The following TDRP variants were observed in gnomAD, a reference collection of about 807,000 sequenced individuals.
The protein encoded by TDRP is testis development-related protein.
Under a neutral mutation model 10.5 loss-of-function variants are expected in TDRP, and 12 were observed. The ratio of observed to expected loss-of-function variants is 1.15; its 90% CI spans 0.73 to 1.86. TDRP has a LOEUF of 1.86. Ranked by LOEUF, TDRP falls within the 40% of genes most tolerant of loss-of-function variation. The pLI is 0.00. For missense variants in TDRP, 353 were observed against 229.2 expected, an observed-to-expected ratio of 1.54 and a Z score of -3.49; for synonymous variants, 139 against 95.4, an observed-to-expected ratio of 1.46 and a Z score of -2.67.
intron 1 of TDRP, among the ~76,000 whole-genome samples, chr8:510,290 C>T (rs1355152402): frequency 1.3e-5 from 2 of 152,142 alleles, no homozygotes; most frequent in African/African-American, 4.8e-5. Context: ...GTTTGTCTTT[C>T]TGGTAACCAC....
chr8:504,707 C>T (rs934343793), intron 1 of TDRP, among the ~76,000 whole-genome samples: 1 of 152,342 alleles, frequency 6.6e-6, no homozygotes, highest in African/African-American at 2.4e-5. Context: ...GGTCAACAGA[C>T]TTTGCCATTT....
chr8:511,981 T>C (rs759603028), intron 1 of TDRP, among the ~76,000 whole-genome samples: 43 of 151,986 alleles, frequency 2.8e-4, no homozygotes, highest in Non-Finnish European at 1.0e-4. Flanking sequence ...AATCAATAAC[T>C]TAAACTTCTA....
intron 1 of TDRP, among the ~76,000 whole-genome samples, chr8:539,681 G>A (rs1350345680): frequency 2.6e-5 from 4 of 152,140 alleles, no homozygotes; most frequent in African/African-American, 9.7e-5. Flanking sequence ...GGAGAGAAAG[G>A]CCTCTGCCTC....
At chr8:542,532 T>G (rs1802524297) in intron 1 of TDRP, among the ~76,000 whole-genome samples, 1 of 151,968 alleles carries the variant, frequency 6.6e-6, no homozygotes, top group Middle Eastern at 3.4e-3. Context: ...TAGAGTCTAT[T>G]AAAGTTTTTT....
chr8:531,799 C>G (rs1181125744), intron 1 of TDRP, among the ~76,000 whole-genome samples: 6 of 152,174 alleles, frequency 3.9e-5, no homozygotes, highest in Admixed American at 3.3e-4. Context: ...AGCCAAATAT[C>G]TGGCAAAGAA....
At chr8:543,930 G>T (rs1308414493) in intron 1 of TDRP, among the ~76,000 whole-genome samples, 15 of 141,336 alleles carry the variant, frequency 1.1e-4, no homozygotes, top group African/African-American at 3.6e-4. Flanking sequence ...AAAAGGGAGG[G>T]GGGGGGAGGG....
rs148744455 is a variant in TDRP, at chr8:519,486, T to C, written c.109-24889A>G. Among the ~76,000 whole-genome samples, 8 of 152,238 alleles carry C rather than the reference T, an allele frequency of 5.3e-5. No individual in the cohort carries two copies. The East Asian group carries it at 7.7e-4, about 15-fold the overall frequency. ...AACTACCTTCAAGTATAGAGTTCAA[T>C]TGCGTTAACTACATGCAAACTGTTG... On this transcript the variant is annotated intron_variant, in intron 1 of 2. Transcript: ENST00000324079.
At chr8:543,583 C>G (rs1020937206) in intron 1 of TDRP, among the ~76,000 whole-genome samples, 5 of 150,626 alleles carry the variant, frequency 3.3e-5, no homozygotes, top group Non-Finnish European at 1.5e-5. Context: ...TAAGCACTAA[C>G]GCTACCTAAA....
At chr8:531,534 T>C (rs982138671) in intron 1 of TDRP, among the ~76,000 whole-genome samples, 1 of 152,168 alleles carries the variant, frequency 6.6e-6, no homozygotes, top group African/African-American at 2.4e-5. Flanking sequence ...TACTGAAGAA[T>C]TGGTTGGTGT....
chr8:508,374 T>C (rs1801522273), intron 1 of TDRP, among the ~76,000 whole-genome samples: 1 of 152,176 alleles, frequency 6.6e-6, no homozygotes. Flanking sequence ...GGGTAATTTA[T>C]AAAGAAAAGC....
chr8:537,815 G>C (rs2053787), intron 1 of TDRP, among the ~76,000 whole-genome samples: 1,681 of 152,252 alleles, frequency 0.011, 24 homozygotes, highest in African/African-American at 0.038. Context: ...GTAAAGATAG[G>C]ATAAATTTAG....
intron 1 of TDRP, among the ~76,000 whole-genome samples, chr8:533,981 CA>C (rs1373903352): frequency 1.3e-5 from 2 of 152,102 alleles, no homozygotes; most frequent in Non-Finnish European, 2.9e-5. Flanking sequence ...AAAATTGAGC[CA>C]AAACACAATT....
At chr8:540,201 C>T (rs1157470408) in intron 1 of TDRP, among the ~76,000 whole-genome samples, 1 of 152,106 alleles carries the variant, frequency 6.6e-6, no homozygotes, top group African/African-American at 2.4e-5. Flanking sequence ...TTATATTCAC[C>T]GTAAGAGGCC....
intron 1 of TDRP, among the ~76,000 whole-genome samples, chr8:518,622 T>C (rs1801817078): frequency 1.1e-5 from 1 of 88,376 alleles, no homozygotes; most frequent in Non-Finnish European, 2.9e-5. Flanking sequence ...CACAGCAAAG[T>C]AACTTCGACC....
In TDRP at chr8:515,932, G is replaced by C. The variant is rs145093420; in HGVS notation, c.109-21335C>G. On this transcript the variant is annotated intron_variant, in intron 1 of 2. Coordinates refer to ENST00000324079, the MANE Select transcript of TDRP (RefSeq NM_001384899.1). ...AATATAAAAGAAATAAAAAATAAAT[G>C]GCTTTATTACAGTTAGACAATAGAA... Among the ~76,000 whole-genome samples the C allele has an allele frequency of 9.9e-5, 15 of 151,942 alleles. 1 individual carries two copies. The East Asian group carries it at 2.7e-3, about 27-fold the overall frequency.
chr8:521,972 T>C (rs956518297), intron 1 of TDRP, among the ~76,000 whole-genome samples: 9 of 152,230 alleles, frequency 5.9e-5, no homozygotes, highest in Non-Finnish European at 1.3e-4. Flanking sequence ...GATGCTATTA[T>C]AAGTGTTTTA....
At chr8:508,634 C>T (rs78663561) in intron 1 of TDRP, among the ~76,000 whole-genome samples, 1,989 of 152,170 alleles carry the variant, frequency 0.013, 51 homozygotes, top group African/African-American at 0.045. Context: ...TGATACATTG[C>T]GATTATGGGA....
chr8:507,796 T>A (rs1801506794), intron 1 of TDRP, among the ~76,000 whole-genome samples: 1 of 152,156 alleles, frequency 6.6e-6, no homozygotes, highest in South Asian at 2.1e-4. Context: ...AAATGTCCAG[T>A]TTCTAACCAG....
At chr8:494,151 C>CG (rs544953846) in intron 2 of TDRP, among the ~76,000 whole-genome samples, 1 of 151,048 alleles carries the variant, frequency 6.6e-6, no homozygotes, top group South Asian at 2.1e-4. Context: ...TTAGTATAGA[C>CG]GGGGTTTCAC....
Sources: allele counts gnomAD v4.1 joint callset (sites outside exome capture counted in the v4.1 genomes callset), GRCh38; gene constraint gnomAD v4.1.1; transcripts MANE v1.5; gene names NCBI Gene and HGNC (gene_info 2026-07-23, HGNC 2026-07-21).